FAM193A: variants seen among roughly 807,000 people sequenced by gnomAD.
The protein encoded by FAM193A is protein FAM193A.
In FAM193A, 22 loss-of-function variants were observed where a neutral mutation model predicts 126.5. The observed-to-expected ratio is 0.17, with a 90% confidence interval of 0.12 to 0.25. The LOEUF is 0.25. Among genes scored for constraint, FAM193A ranks in the 10% least tolerant of loss-of-function variants. The probability of loss-of-function intolerance (pLI) is 1.00; values close to 1 mark genes in which losing one functional copy is unlikely to be tolerated. For synonymous variants in FAM193A, 761 were observed against 646.8 expected (o/e 1.18, Z -2.68); for missense variants, 1,675 against 1,672.8 (o/e 1.00, Z -0.02).
At chr4:2,537,479 A>G (rs1736952944) in intron 1 of FAM193A, among the ~76,000 whole-genome samples, 2 of 152,134 alleles carry the variant, frequency 1.3e-5, no homozygotes, top group African/African-American at 4.8e-5. Flanking sequence ...CAGCCCCTCA[A>G]CGGGCGGGGA....
At chr4:2,643,828 C>T (rs986284064) in intron 6 of FAM193A, among the ~76,000 whole-genome samples, 7 of 152,132 alleles carry the variant, frequency 4.6e-5, no homozygotes, top group Non-Finnish European at 8.8e-5. Flanking sequence ...CAGGCCAAGG[C>T]GTAGGCGGGG....
chr4:2,728,238 A>ATTTTTT (rs58609064), intron 20 of FAM193A, among the ~76,000 whole-genome samples: 4 of 82,062 alleles, frequency 4.9e-5, no homozygotes, highest in Non-Finnish European at 6.7e-5. Context: ...ACCCGGCCCA[A>ATTTTTT]TTTTTTTTTT....
intron 17 of FAM193A, among the ~76,000 whole-genome samples, chr4:2,695,398 T>G (rs1716918164): frequency 6.6e-6 from 1 of 152,236 alleles, no homozygotes; most frequent in Non-Finnish European, 1.5e-5. Flanking sequence ...TTAACCATGG[T>G]GTATCCATAT....
intron 13 of FAM193A, among the ~76,000 whole-genome samples, chr4:2,683,603 C>G (rs1270934200): frequency 6.6e-6 from 1 of 152,204 alleles, no homozygotes; most frequent in Non-Finnish European, 1.5e-5. Context: ...AAGATTTTCT[C>G]TTTTTCTTTG....
intron 1 of FAM193A, among the ~76,000 whole-genome samples, chr4:2,540,996 C>T (rs1053063322): frequency 4.0e-5 from 6 of 148,184 alleles, no homozygotes; most frequent in South Asian, 2.1e-4. Context: ...AAAGGGCAGG[C>T]GCAGTGGCTG....
At chr4:2,697,214 G>A (rs1269367410) in intron 18 of FAM193A, among the ~76,000 whole-genome samples, 1 of 152,194 alleles carries the variant, frequency 6.6e-6, no homozygotes, top group Admixed American at 6.5e-5. Flanking sequence ...ACGTTAGCCA[G>A]TCATGGTGGT....
intron 2 of FAM193A, chr4:2,607,857 C>G (rs1233453462): frequency 1.6e-6 from 1 of 636,426 alleles, no homozygotes; most frequent in African/African-American, 1.9e-5. Flanking sequence ...AGTAGCAGCT[C>G]TTTATTGGTT....
At chr4:2,725,061 T>G (rs1480713521) in intron 20 of FAM193A, among the ~76,000 whole-genome samples, 1 of 152,022 alleles carries the variant, frequency 6.6e-6, no homozygotes, top group Admixed American at 6.6e-5. Context: ...GTGTTTTTAG[T>G]AGAGACAGAG....
intron 13 of FAM193A, among the ~76,000 whole-genome samples, chr4:2,687,812 C>T (rs1715912853): frequency 6.6e-6 from 1 of 152,222 alleles, no homozygotes; most frequent in Admixed American, 6.5e-5. Context: ...CCAGCCCCTT[C>T]AGAACAAAGT....
At chr4:2,586,678 G>C (rs917442543) in intron 1 of FAM193A, among the ~76,000 whole-genome samples, 1 of 152,168 alleles carries the variant, frequency 6.6e-6, no homozygotes, top group Non-Finnish European at 1.5e-5. Flanking sequence ...GTTGAGAACA[G>C]GGTCTTGCTC....
Position 2,590,488 on chromosome 4 carries a change from A to AAC in FAM193A, c.256-5595_256-5594insCA, listed in dbSNP as rs1553890421. Reference sequence around the variant, plus strand: ...CAAAAAAAAAAAACAAAAAAAAACAAAAAAAAACAAAAAAAAACAAAAAAA... The same window carrying AAC: ...CAAAAAAAAAAAACAAAAAAAAACAAACAAAAAAACAAAAAAAAACAAAAAAA... On this transcript the variant is annotated intron_variant, in intron 1 of 20. Transcript: ENST00000637812. Among the ~76,000 whole-genome samples the AAC allele has an allele frequency of 2.0e-4, 15 of 75,346 alleles. 2 individuals are homozygous for AAC. Among genetic ancestry groups the AAC allele is most frequent in the African/African-American group, 1.6e-3 (14 of 8,570 alleles). The allele number at this position is 75,346 out of a possible 152,430, so 49.4% of individuals were successfully genotyped here. A position where few individuals can be genotyped will look rare whatever the true frequency, so the allele number is the denominator to read the frequency against.
intron 1 of FAM193A, among the ~76,000 whole-genome samples, chr4:2,540,299 T>C (rs946646866): frequency 6.6e-6 from 1 of 151,654 alleles, no homozygotes; most frequent in African/African-American, 2.4e-5. Flanking sequence ...GAAACCCGTC[T>C]CTAGTAAAAA....
rs547727748 is a variant in FAM193A at position 2,681,466 on chromosome 4, T to C, written c.2332-8040T>C. 5.0e-4 allele frequency among the ~76,000 whole-genome samples: 76 copies of C among 152,288 alleles called. No homozygotes were observed. In the South Asian group the frequency reaches 0.011, roughly 23 times the overall value. On this transcript the variant is annotated intron_variant, in intron 13 of 20. Transcript: ENST00000637812. The stretch of plus-strand genomic sequence containing the variant: ...TTTGTTTCATTTTATTTGTTGTTGT[T>C]ATTGAGACAAAGCTTACTCAGTTGC...
intron 2 of FAM193A, among the ~76,000 whole-genome samples, chr4:2,610,579 C>G (rs976139211): frequency 1.3e-5 from 2 of 152,154 alleles, no homozygotes; most frequent in African/African-American, 4.8e-5. Flanking sequence ...TGAGAGTCAT[C>G]TCTGTTGTTG....
Position 2,628,851 on chromosome 4 carries a change from CTCT to C in FAM193A, c.804-2082_804-2080del, listed in dbSNP as rs1403627549. On this transcript the variant is annotated intron_variant, in intron 4 of 20. Coordinates refer to ENST00000637812, the MANE Select transcript of FAM193A (RefSeq NM_001366318.2). ...GCTTCTTCAGCATATTGCTGTCTCT[CTCT>C]TTTTTTTTTTTTTTTTGAGACGGAG... Among the ~76,000 whole-genome samples the C allele has an allele frequency of 6.4e-4, 94 of 146,270 alleles. 2 individuals carry two copies. Among genetic ancestry groups the C allele is most frequent in the South Asian group, 1.5e-3 (7 of 4,612 alleles).
At chr4:2,656,380 C>T (rs1051248504) in intron 7 of FAM193A, among the ~76,000 whole-genome samples, 6 of 152,148 alleles carry the variant, frequency 3.9e-5, no homozygotes, top group Admixed American at 1.3e-4. Flanking sequence ...CCTTCTCCCT[C>T]GAGTCAGTTT....
At chr4:2,630,848 G>A in intron 4 of FAM193A, 87 bp from the exon 5 acceptor site, 1 of 733,228 alleles carries the variant, frequency 1.4e-6, no homozygotes, top group Non-Finnish European at 2.3e-6. Context: ...GGCCACCTGT[G>A]GAAGGGCTTC....
In FAM193A at chr4:2,567,106, AT is replaced by A. The variant is rs570577167; in HGVS notation, c.256-28963del. On this transcript the variant is annotated intron_variant, in intron 1 of 20. Coordinates refer to ENST00000637812, the MANE Select transcript of FAM193A (RefSeq NM_001366318.2). ...AGGCGCCCGCCACCATGCCCGGCTC[AT>A]TTTTTTTTTTTTTTGTATTTTTAGT... Among the ~76,000 whole-genome samples, 696 of 137,734 alleles carry A rather than the reference AT, an allele frequency of 5.1e-3. 4 individuals are homozygous for A. The highest frequency in any genetic ancestry group is 0.021 in the East Asian group (101 of 4,724). 90.4% of individuals were successfully genotyped at this position (137,734 alleles called of 152,430 possible).
chr4:2,663,164 C>T lies in FAM193A; in HGVS notation c.1955C>T (p.Ala652Val), dbSNP rs752113309. The T allele has an allele frequency of 1.4e-5, 23 of 1,613,960 alleles. No individual in the cohort carries two copies. Among genetic ancestry groups the T allele is most frequent in the Admixed American group, 6.7e-5 (4 of 59,988 alleles). Residue 652 changes from alanine (A) to valine (V), a missense_variant, in exon 12 of 21, where the codon GCG (alanine) becomes GTG (valine). Ala to Val is a moderately conservative substitution (Grantham distance 64). This residue lies in a region of FAM193A where 1,186 missense variants were observed against 1,109.2 expected (regional missense o/e 1.07). Transcript: ENST00000637812. ...TCCTCAGAAGCTGATGATGAAGAAG[C>T]GGACGGCGAGAGTAGTGGGGAGCCC... ...SSSSEADDEE[A>V]DGESSGEPPG...
Sources: allele counts gnomAD v4.1 joint callset (sites outside exome capture counted in the v4.1 genomes callset), GRCh38; gene constraint gnomAD v4.1.1; regional missense constraint gnomAD v4.1.1; transcripts MANE v1.5; gene names NCBI Gene and HGNC (gene_info 2026-07-23, HGNC 2026-07-21).